The following CFAP97D2 variants were observed in gnomAD, a reference collection of about 807,000 sequenced individuals.
CFAP97D2 encodes CFAP97 domain containing 2, also known as uncharacterized protein CFAP97D2.
intron 4 of CFAP97D2, among the ~76,000 whole-genome samples, chr13:114,219,378 T>C (rs2081010020): frequency 6.6e-6 from 1 of 152,202 alleles, no homozygotes; most frequent in Admixed American, 6.5e-5. Context: ...CCTCCTCTTA[T>C]ATTAATACTA....
At position 114,210,576 on chromosome 13, in the gene CFAP97D2, C is replaced by T. The variant is rs548490498; in HGVS notation, c.291-1336C>T. Reference sequence around the variant, plus strand: ...CTTCTGCCCTATTTTCTTCTGCTCCCGTGGCTCAGCCTTTGGCTGCCTCCC... The same window carrying T: ...CTTCTGCCCTATTTTCTTCTGCTCCTGTGGCTCAGCCTTTGGCTGCCTCCC... On this transcript the variant is annotated intron_variant, in intron 3 of 4. Transcript: ENST00000646158. Among the ~76,000 whole-genome samples the T allele has an allele frequency of 7.2e-5, 11 of 152,254 alleles. No homozygotes were observed. The South Asian group carries it at 8.3e-4, about 11-fold the overall frequency.
At position 114,207,425 on chromosome 13, in the gene CFAP97D2, A is replaced by G. The variant is rs1267233419; in HGVS notation, c.291-4487A>G. On this transcript the variant is annotated intron_variant, in intron 3 of 4. Transcript: ENST00000646158. The surrounding 1 kb of genome is among the most constrained non-coding windows in gnomAD (Gnocchi z 4.9). Reference sequence around the variant, plus strand: ...CCTGAGTTTGTTTTCCTGCAACTAGATGGTCCCATCTAGGGATCGTGTGGA... The same window carrying G: ...CCTGAGTTTGTTTTCCTGCAACTAGGTGGTCCCATCTAGGGATCGTGTGGA... Among the ~76,000 whole-genome samples the G allele has an allele frequency of 1.3e-5, 2 of 152,240 alleles. No homozygotes were observed. Among genetic ancestry groups the G allele is most frequent in the Non-Finnish European group, 2.9e-5 (2 of 67,996 alleles).
chr13:114,221,303 G>T (rs1241730207), intron 4 of CFAP97D2, among the ~76,000 whole-genome samples: 2 of 152,224 alleles, frequency 1.3e-5, no homozygotes, highest in African/African-American at 2.4e-5. Context: ...AGATAAATTT[G>T]AGTTTCTTTC....
At position 114,212,513 on chromosome 13, in the gene CFAP97D2, G is replaced by A. The variant is rs1313870395; in HGVS notation, c.480+412G>A. Among the ~76,000 whole-genome samples, 6 of 152,142 alleles carry A rather than the reference G, an allele frequency of 3.9e-5. No homozygotes were observed. The East Asian group carries it at 9.7e-4, about 24-fold the overall frequency. ...GAGCATCGCTTGAGCTGAGGAGTTC[G>A]AGACCAGCCTGGGAAACATAGTGAG... On this transcript the variant is annotated intron_variant, in intron 4 of 4. Coordinates refer to ENST00000646158, the Ensembl canonical transcript of CFAP97D2.
rs535421552 is a variant in CFAP97D2, at chr13:114,185,888, A to G, written c.90+6468A>G. Among the ~76,000 whole-genome samples the G allele has an allele frequency of 6.6e-6, 1 of 152,332 alleles. No homozygotes were observed. Among genetic ancestry groups the G allele is most frequent in the African/African-American group, 2.4e-5 (1 of 41,588 alleles). On this transcript the variant is annotated intron_variant, in intron 1 of 4. Transcript: ENST00000646158. The surrounding 1 kb of genome is among the most constrained non-coding windows in gnomAD (Gnocchi z 5.2). ...TGCCATGAACAGCAACAGGAGGCAG[A>G]CGGACTCCTGGGCAGAAGGGGTCAG...
intron 2 of CFAP97D2, among the ~76,000 whole-genome samples, chr13:114,197,178 A>C (rs2080892209): frequency 6.6e-6 from 1 of 152,216 alleles, no homozygotes; most frequent in African/African-American, 2.4e-5. Context: ...TGGAAAGGGA[A>C]GGAGATTCTC....
chr13:114,204,864 A>G (rs2080932315), intron 3 of CFAP97D2, among the ~76,000 whole-genome samples: 1 of 152,234 alleles, frequency 6.6e-6, no homozygotes, highest in South Asian at 2.1e-4. Context: ...TGTGCATCAA[A>G]GGACACTATC....
chr13:114,182,946 C>T (rs980348099), intron 1 of CFAP97D2, among the ~76,000 whole-genome samples: 4 of 152,176 alleles, frequency 2.6e-5, no homozygotes, highest in South Asian at 4.1e-4. Flanking sequence ...ACAATGCCCA[C>T]GGTGTCAACT....
intron 4 of CFAP97D2, among the ~76,000 whole-genome samples, chr13:114,213,387 T>C (rs113944624): frequency 0.098 from 8,591 of 87,872 alleles, 470 homozygotes; most frequent in Admixed American, 0.2. Flanking sequence ...AGCTCTAGGA[T>C]CACGAATCCC....
Position 114,222,361 on chromosome 13 carries a change from G to A in CFAP97D2, c.481-137G>A. On this transcript the variant is annotated intron_variant, in intron 4 of 4. Coordinates refer to ENST00000646158, the Ensembl canonical transcript of CFAP97D2. The surrounding 1 kb of genome is among the most constrained non-coding windows in gnomAD (Gnocchi z 4.4). ...TATAGAATTGTATCTAAATAAAGCTGTTATTTTAAAAATTGTATGTTTAAT... is the reference window on the plus strand; with the variant it reads ...TATAGAATTGTATCTAAATAAAGCTATTATTTTAAAAATTGTATGTTTAAT... 2.5e-6 allele frequency: 1 copy of A among 394,158 alleles called. No homozygotes were observed. The highest frequency in any genetic ancestry group is 4.5e-6 in the Non-Finnish European group (1 of 224,080). 24.4% of individuals were successfully genotyped at this position (394,158 alleles called of 1,614,324 possible). A position where few individuals can be genotyped will look rare whatever the true frequency, so the allele number is the denominator to read the frequency against.
intron 4 of CFAP97D2, among the ~76,000 whole-genome samples, chr13:114,212,677 G>A (rs1228997653): frequency 6.6e-6 from 1 of 152,052 alleles, no homozygotes; most frequent in Non-Finnish European, 1.5e-5. Context: ...GTGAAACCCT[G>A]TCTCTACTAA....
intron 1 of CFAP97D2, among the ~76,000 whole-genome samples, chr13:114,180,455 C>T (rs2080828153): frequency 6.6e-6 from 1 of 152,182 alleles, no homozygotes; most frequent in African/African-American, 2.4e-5. Flanking sequence ...CGGCTCCTTC[C>T]CCAGCTCAAC....
chr13:114,182,177 G>A lies in CFAP97D2; in HGVS notation c.90+2757G>A, dbSNP rs574397243. Among the ~76,000 whole-genome samples, 181 of 142,072 alleles carry A rather than the reference G, an allele frequency of 1.3e-3. 19 individuals carry two copies. Among genetic ancestry groups the A allele is most frequent in the Non-Finnish European group, 3.2e-4 (21 of 64,978 alleles). 93.2% of individuals were successfully genotyped at this position (142,072 alleles called of 152,430 possible). On this transcript the variant is annotated intron_variant, in intron 1 of 4. Transcript: ENST00000646158. ...AGGAGAAGGTCAGCAAAAAACGTGA[G>A]CAAAAGAGTCTATGTCGTAATTAAG...
At position 114,203,853 on chromosome 13, in the gene CFAP97D2, G is replaced by A. The variant is rs577147446; in HGVS notation, c.290+3410G>A. Among the ~76,000 whole-genome samples the A allele has an allele frequency of 6.0e-4, 92 of 152,312 alleles. No individual in the cohort carries two copies. Among genetic ancestry groups the A allele is most frequent in the Admixed American group, 1.8e-3 (28 of 15,298 alleles). On this transcript the variant is annotated intron_variant, in intron 3 of 4. Coordinates refer to ENST00000646158, the Ensembl canonical transcript of CFAP97D2. The surrounding 1 kb of genome is among the most constrained non-coding windows in gnomAD (Gnocchi z 4.3). ...CTTGTCAGATGGGGCAGAGATTCTG[G>A]GCATTTGGCTGTCTCAAACCCAATC...
chr13:114,181,281 G>A (rs1301137535), intron 1 of CFAP97D2, among the ~76,000 whole-genome samples: 1 of 152,186 alleles, frequency 6.6e-6, no homozygotes, highest in African/African-American at 2.4e-5. Flanking sequence ...TGAAGAACAG[G>A]GCAACTGAAA....
chr13:114,216,474 C>T (rs932191100), intron 4 of CFAP97D2, among the ~76,000 whole-genome samples: 12 of 151,838 alleles, frequency 7.9e-5, no homozygotes, highest in South Asian at 6.2e-4. Flanking sequence ...CGGTGTGTGA[C>T]GCTAACCTTC....
Position 114,185,813 on chromosome 13 carries a change from A to C in CFAP97D2, c.90+6393A>C, listed in dbSNP as rs1399248876. Reference sequence around the variant, plus strand: ...ACAGGAGGGAGGCTGAGGGGGATGCAGAGGACAGCACAGTGCTGGCTGCGT... The same window carrying C: ...ACAGGAGGGAGGCTGAGGGGGATGCCGAGGACAGCACAGTGCTGGCTGCGT... On this transcript the variant is annotated intron_variant, in intron 1 of 4. Coordinates refer to ENST00000646158, the Ensembl canonical transcript of CFAP97D2. This position sits in a 1 kb window ranked among gnomAD's most constrained non-coding sequence, Gnocchi z 5.2. Among the ~76,000 whole-genome samples the C allele has an allele frequency of 6.6e-6, 1 of 152,160 alleles. No homozygotes were observed. Among genetic ancestry groups the C allele is most frequent in the Admixed American group, 6.6e-5 (1 of 15,234 alleles).
At chr13:114,200,839 C>A (rs374788156) in intron 3 of CFAP97D2, among the ~76,000 whole-genome samples, 102 of 152,288 alleles carry the variant, frequency 6.7e-4, no homozygotes, top group African/African-American at 2.3e-3. Context: ...TGCAGTTCGG[C>A]GGCGGAGGAA....
At chr13:114,195,151 G>A (rs2080881238) in intron 1 of CFAP97D2, among the ~76,000 whole-genome samples, 1 of 152,170 alleles carries the variant, frequency 6.6e-6, no homozygotes, top group African/African-American at 2.4e-5. Context: ...TCTCCTCCCT[G>A]GATGACCACA....
Sources: gnomAD v4.1 joint callset for allele counts (sites outside exome capture counted in the v4.1 genomes callset) on GRCh38, gnomAD v4.1.1 for gene constraint, Gnocchi (gnomAD v3.1) non-coding constraint, MANE v1.5 for transcripts, NCBI Gene and HGNC (gene_info 2026-07-23, HGNC 2026-07-21) for gene names.